The following FAM114A1 variants were observed in gnomAD, a reference collection of about 807,000 sequenced individuals.
FAM114A1 encodes protein NOXP20.
Under a neutral mutation model 64.3 loss-of-function variants are expected in FAM114A1, and 62 were observed. The ratio of observed to expected loss-of-function variants is 0.96; its 90% CI spans 0.79 to 1.19. FAM114A1 has a LOEUF of 1.19. FAM114A1 is among the 50% of genes most tolerant of loss of function. The pLI is 0.00. For missense variants in FAM114A1, 645 were observed against 676.3 expected (o/e 0.95, Z 0.51); for synonymous variants, 254 against 251.1 (o/e 1.01, Z -0.11).
intron 4 of FAM114A1, among the ~76,000 whole-genome samples, chr4:38,901,476 G>A (rs1717515668): frequency 3.9e-5 from 6 of 152,132 alleles, no homozygotes; most frequent in Admixed American, 2.6e-4. Context: ...ATTTTTGGTA[G>A]AGGTGGGGTT....
At chr4:38,888,493 G>T (rs189954903) in intron 3 of FAM114A1, among the ~76,000 whole-genome samples, 84 of 152,280 alleles carry the variant, frequency 5.5e-4, no homozygotes, top group African/African-American at 1.9e-3. Context: ...ACACACTCCA[G>T]CTTGGGCAAC....
At chr4:38,934,610 G>A (rs1720928494) in intron 12 of FAM114A1, among the ~76,000 whole-genome samples, 1 of 152,080 alleles carries the variant, frequency 6.6e-6, no homozygotes, top group East Asian at 1.9e-4. Context: ...AAAAATATCA[G>A]ACATTACCTA....
intron 2 of FAM114A1, among the ~76,000 whole-genome samples, chr4:38,874,788 A>G (rs1714448825): frequency 6.6e-6 from 1 of 152,082 alleles, no homozygotes; most frequent in South Asian, 2.1e-4. Context: ...GTTTTCTTCT[A>G]GAGTTTTTAT....
rs780658462 is a variant in FAM114A1, at chr4:38,908,749, T to C, written c.792+23T>C. 5 of 1,520,378 alleles carry C rather than the reference T, an allele frequency of 3.3e-6. 1 individual carries two copies. In the South Asian group the frequency reaches 6.6e-5, roughly 20 times the overall value. The allele number at this position is 1,520,378 out of a possible 1,614,324, so 94.2% of individuals were successfully genotyped here. A position where few individuals can be genotyped will look rare whatever the true frequency, so the allele number is the denominator to read the frequency against. ...CAGGTTGGATTATATACGTTTGCAATTTTTTCTTTCAGTCAATAAAGTAAA... is the reference window on the plus strand; with the variant it reads ...CAGGTTGGATTATATACGTTTGCAACTTTTTCTTTCAGTCAATAAAGTAAA... On this transcript the variant is annotated intron_variant, in intron 7 of 14. Coordinates refer to ENST00000358869, the MANE Select transcript of FAM114A1 (RefSeq NM_138389.4).
intron 3 of FAM114A1, among the ~76,000 whole-genome samples, chr4:38,888,449 G>A (rs938203201): frequency 2.8e-4 from 43 of 152,232 alleles, no homozygotes; most frequent in African/African-American, 9.9e-4. Flanking sequence ...CTTAAGCCCA[G>A]GAGTTGGAGG....
intron 4 of FAM114A1, among the ~76,000 whole-genome samples, chr4:38,900,192 A>G (rs1383831056): frequency 1.3e-5 from 2 of 151,636 alleles, no homozygotes; most frequent in Non-Finnish European, 2.9e-5. Flanking sequence ...TTTTTTTACC[A>G]CTAATATTTC....
chr4:38,897,178 A>G (rs1475192237), intron 4 of FAM114A1, among the ~76,000 whole-genome samples: 1 of 152,226 alleles, frequency 6.6e-6, no homozygotes, highest in Non-Finnish European at 1.5e-5. Context: ...TTGTGATCAC[A>G]AGGCACTGTT....
intron 2 of FAM114A1, among the ~76,000 whole-genome samples, chr4:38,871,078 T>A (rs973645837): frequency 1.4e-5 from 2 of 145,842 alleles, no homozygotes; most frequent in Non-Finnish European, 3.0e-5. Context: ...GCTTTCTTTT[T>A]TTTCTTTCTT....
At chr4:38,879,391 A>G (rs1400765614) in intron 3 of FAM114A1, among the ~76,000 whole-genome samples, 1 of 152,222 alleles carries the variant, frequency 6.6e-6, no homozygotes, top group African/African-American at 2.4e-5. Context: ...TTCACCCTCC[A>G]ATCTATCATT....
intron 14 of FAM114A1, among the ~76,000 whole-genome samples, chr4:38,942,025 A>C (rs1311346397): frequency 6.6e-6 from 1 of 152,224 alleles, no homozygotes; most frequent in Admixed American, 6.5e-5. Flanking sequence ...ACATGGCTGC[A>C]GACAAGACAA....
chr4:38,943,628 T>G lies in FAM114A1; in HGVS notation c.*71T>G. ...CCTCAATATGTACCATTTAAGGGGA[T>G]GTTCTCTGTGCGCCTGGCCACAGAC... On this transcript the variant is annotated 3_prime_UTR_variant, in exon 15 of 15. Transcript: ENST00000358869. 7.5e-7 allele frequency: 1 copy of G among 1,331,620 alleles called. No individual in the cohort carries two copies. The highest frequency in any genetic ancestry group is 1.1e-6 in the Non-Finnish European group (1 of 928,524). 82.5% of individuals were successfully genotyped at this position (1,331,620 alleles called of 1,614,324 possible). A position where few individuals can be genotyped will look rare whatever the true frequency, so the allele number is the denominator to read the frequency against.
intron 4 of FAM114A1, among the ~76,000 whole-genome samples, chr4:38,894,340 CACA>C (rs771013748): frequency 7.2e-5 from 11 of 152,086 alleles, no homozygotes; most frequent in Non-Finnish European, 1.0e-4. Context: ...TTGTTACTCT[CACA>C]ACAATTTATA....
At chr4:38,872,625 G>A (rs1237391649) in intron 2 of FAM114A1, among the ~76,000 whole-genome samples, 1 of 152,232 alleles carries the variant, frequency 6.6e-6, no homozygotes, top group African/African-American at 2.4e-5. Flanking sequence ...TCTCCTCATT[G>A]TTGTGTCCAT....
chr4:38,940,070 T>C (rs1327912617), intron 13 of FAM114A1, among the ~76,000 whole-genome samples: 1 of 151,986 alleles, frequency 6.6e-6, no homozygotes, highest in Non-Finnish European at 1.5e-5. Flanking sequence ...TTTGTATTTT[T>C]AGTGGACACA....
At chr4:38,897,757 T>G (rs1022759625) in intron 4 of FAM114A1, among the ~76,000 whole-genome samples, 2 of 151,518 alleles carry the variant, frequency 1.3e-5, no homozygotes, top group African/African-American at 4.8e-5. Context: ...CTGGCCAACA[T>G]GGCAAAACCC....
At position 38,905,600 on chromosome 4, in the gene FAM114A1, G is replaced by T; in HGVS notation, c.515G>T (p.Gly172Val). The T allele has an allele frequency of 1.2e-6, 2 of 1,614,170 alleles. No individual in the cohort carries two copies. The highest frequency in any genetic ancestry group is 1.7e-6 in the Non-Finnish European group (2 of 1,180,020). Residue 172 changes from glycine to valine, a missense_variant, in exon 5 of 15, where the codon GGA becomes GTA. Coordinates refer to ENST00000358869, the MANE Select transcript of FAM114A1 (RefSeq NM_138389.4). ...GGTGTAAATTCTGGATCTTCTGAAG[G>T]AGCCCAACCAAATACTGAAAACGGA... ...IHGVNSGSSE[G>V]AQPNTENGVP...
rs1718224098 is a variant in FAM114A1 at position 38,908,443 on chromosome 4, A to C, written c.658-149A>C. ...TTTCCAAGGAAACGAGAATAGGATT[A>C]AATGGATGATAAATCTCCTGATGAG... On this transcript the variant is annotated intron_variant, in intron 6 of 14. Coordinates refer to ENST00000358869, the MANE Select transcript of FAM114A1 (RefSeq NM_138389.4). 4.5e-6 allele frequency: 3 copies of C among 663,600 alleles called. No individual in the cohort carries two copies. In the African/African-American group the frequency reaches 5.4e-5, roughly 12 times the overall value. The allele number at this position is 663,600 out of a possible 1,614,324, so 41.1% of individuals were successfully genotyped here. A position where few individuals can be genotyped will look rare whatever the true frequency, so the allele number is the denominator to read the frequency against.
At chr4:38,914,796 C>A in intron 7 of FAM114A1, 125 bp from the exon 8 acceptor site, 1 of 1,069,266 alleles carries the variant, frequency 9.4e-7, no homozygotes, top group Non-Finnish European at 1.3e-6. Flanking sequence ...TTTAGAAATT[C>A]TAAAGTGACC....
chr4:38,933,891 GT>G lies in FAM114A1; in HGVS notation c.1463+1522del, dbSNP rs550854916. On this transcript the variant is annotated intron_variant, in intron 12 of 14. Transcript: ENST00000358869. The stretch of plus-strand genomic sequence containing the variant: ...TTTGACATTGTCGGTTGGGGAGTAA[GT>G]TTTTAGTGGAAAGATCTTCCAAAAA... 2.1e-3 allele frequency among the ~76,000 whole-genome samples: 322 copies of G among 152,282 alleles called. 1 individual carries two copies. Among genetic ancestry groups the G allele is most frequent in the Non-Finnish European group, 4.1e-3 (279 of 68,010 alleles).
Sources: allele counts gnomAD v4.1 joint callset (sites outside exome capture counted in the v4.1 genomes callset), GRCh38; gene constraint gnomAD v4.1.1; transcripts MANE v1.5; gene names NCBI Gene and HGNC (gene_info 2026-07-23, HGNC 2026-07-21).